Variants in ACTN3 observed in about 807,000 individuals in gnomAD.
ACTN3 encodes the protein actinin alpha 3, also known as alpha-actinin-3.
Under a neutral mutation model 119.6 loss-of-function variants are expected in ACTN3, and 91 were observed. The ratio of observed to expected loss-of-function variants is 0.76; its 90% CI spans 0.64 to 0.91. ACTN3 has a LOEUF of 0.91. Among genes scored for constraint, ACTN3 ranks in the 40% least tolerant of loss-of-function variants. The pLI is 0.00. For synonymous variants in ACTN3, 456 were observed against 478.8 expected (o/e 0.95, Z 0.62); for missense variants, 1,221 against 1,215.1 (o/e 1.00, Z -0.07).
At position 66,555,160 on chromosome 11, in the gene ACTN3, C is replaced by T; in HGVS notation, c.588C>T (p.Leu196=). ...AGGATGGCCTGGCCCTCTGTGCCCT[C>T]ATCCACCGACACCGCCCTGACCTCA... ...SWKDGLALCA[L]IHRHRPDLID... Residue 196 remains leucine (L), a synonymous_variant, in exon 6 of 21, where the codon CTC becomes CTT. Transcript: ENST00000513398. 3.1e-6 allele frequency: 5 copies of T among 1,614,090 alleles called. No individual in the cohort carries two copies. The South Asian group carries it at 5.5e-5, about 18-fold the overall frequency.
chr11:66,557,768 A>G lies in ACTN3; in HGVS notation c.967A>G (p.Met323Val). The stretch of plus-strand genomic sequence containing the variant: ...TGTGGGTGAGCCCAGCATGAGTGCC[A>G]TGCAGCGCAAACTAGAGGACTTTCG... Reference protein sequence around the residue: ...NRVGEPSMSAMQRKLEDFRDY... With the variant: ...NRVGEPSMSAVQRKLEDFRDY... The change falls in exon 10 of 21, where the codon ATG (methionine) becomes GTG (valine). Residue 323 changes from methionine to valine, a missense_variant. Physicochemically the swap from Met to Val is conservative, Grantham distance 21. This residue lies in a region of ACTN3 where 934 missense variants were observed against 899.9 expected (regional missense o/e 1.04). Coordinates refer to ENST00000513398, the MANE Select transcript of ACTN3 (RefSeq NM_001104.4). The G allele has an allele frequency of 6.2e-7, 1 of 1,613,830 alleles. No individual in the cohort carries two copies. Among genetic ancestry groups the G allele is most frequent in the South Asian group, 1.1e-5 (1 of 91,006 alleles).
In ACTN3 at chr11:66,554,552, A is replaced by C; in HGVS notation, c.486A>C (p.Glu162Asp). The C allele has an allele frequency of 6.2e-7, 1 of 1,611,102 alleles. No individual in the cohort carries two copies. The highest frequency in any genetic ancestry group is 8.5e-7 in the Non-Finnish European group (1 of 1,178,400). The change falls in exon 5 of 21, where the codon GAA becomes GAC. Residue 162 changes from glutamate (E) to aspartate (D), a missense_variant. By Grantham distance (45) the Glu-to-Asp change is conservative. Coordinates refer to ENST00000513398, the MANE Select transcript of ACTN3 (RefSeq NM_001104.4). ...DISVEETSAKEGLLLWCQRKT... is the reference protein window; with the variant it reads ...DISVEETSAKDGLLLWCQRKT... ...CCGACCCAGAAACCTCAGCCAAGGA[A>C]GGCTTGCTTCTGTGGTGCCAGAGGA... is the stretch of plus-strand genomic sequence containing the variant.
rs746327069 is a variant in ACTN3 at position 66,562,840 on chromosome 11, C to T, written c.2433C>T (p.Asn811=). 12 of 1,613,588 alleles carry T rather than the reference C, an allele frequency of 7.4e-6. No individual in the cohort carries two copies. Among genetic ancestry groups the T allele is most frequent in the South Asian group, 2.2e-5 (2 of 91,064 alleles). ...GCATCATGACCATGGTGGACCCCAACGCAGCTGGGGTGGTGACCTTCCAGG... is the reference window on the plus strand; with the variant it reads ...GCATCATGACCATGGTGGACCCCAATGCAGCTGGGGTGGTGACCTTCCAGG... ...FARIMTMVDP[N]AAGVVTFQAF... is the part of the protein sequence containing the mutation. Residue 811 remains asparagine (N), a synonymous_variant, in exon 20 of 21, where the codon AAC becomes AAT. Transcript: ENST00000513398.
chr11:66,554,808 G>A (rs1375283993), intron 5 of ACTN3, among the ~76,000 whole-genome samples, 185 bp downstream of exon 5: 1 of 152,150 alleles, frequency 6.6e-6, no homozygotes, highest in Non-Finnish European at 1.5e-5. Context: ...GAATGGAATT[G>A]AATCCAGGAG....
chr11:66,554,181 TA>T (rs746161289), intron 4 of ACTN3, 50 bp downstream of exon 4: 21 of 1,544,728 alleles, frequency 1.4e-5, no homozygotes, highest in Non-Finnish European at 1.9e-5. Flanking sequence ...CTGGGGCCTG[TA>T]ATCCCCACAG....
At chr11:66,561,720 G>A in intron 17 of ACTN3, 83 bp downstream of exon 17, 7 of 1,470,424 alleles carry the variant, frequency 4.8e-6, no homozygotes, top group Middle Eastern at 1.8e-4. Flanking sequence ...CAGAGCATGT[G>A]TGTCCCAGCA....
At position 66,546,945 on chromosome 11, in the gene ACTN3, T is replaced by A; in HGVS notation, c.8T>A (p.Met3Lys). 1 of 1,537,602 alleles carries A rather than the reference T, an allele frequency of 6.5e-7. No individual in the cohort carries two copies. The highest frequency in any genetic ancestry group is 8.7e-7 in the Non-Finnish European group (1 of 1,147,412). Residue 3 changes from methionine to lysine, a missense_variant, in exon 1 of 21, where the codon ATG becomes AAG. Met to Lys is a moderately conservative substitution (Grantham distance 95, BLOSUM62 -1). Around this residue, in one of 3 missense-constraint regions of ACTN3, gnomAD observed 239 missense variants for 231.8 expected, o/e 1.03. Coordinates refer to ENST00000513398, the MANE Select transcript of ACTN3 (RefSeq NM_001104.4). Reference protein sequence around the residue: MMMVMQPEGLGAG... With the variant: MMKVMQPEGLGAG... ...GCCAGGAGCCCGATCGAGATGATGA[T>A]GGTTATGCAGCCCGAGGGTCTGGGG...
At chr11:66,561,768 C>T in intron 17 of ACTN3, 131 bp downstream of exon 17, 1 of 1,206,864 alleles carries the variant, frequency 8.3e-7, no homozygotes, top group Non-Finnish European at 1.1e-6. Flanking sequence ...CCTTAAGACC[C>T]AGCGATGGAA....
chr11:66,559,471 C>G, intron 12 of ACTN3, 85 bp downstream of exon 12: 2 of 1,290,022 alleles, frequency 1.6e-6, no homozygotes, highest in Non-Finnish European at 2.0e-6. Context: ...CATTGCCCTT[C>G]TCAAGACACT....
rs201576110 is a variant in ACTN3, at chr11:66,563,170, C to T, written c.2683C>T (p.Leu895Phe). Residue 895 changes from leucine to phenylalanine, a missense_variant, in exon 21 of 21, where the codon CTC (leucine) becomes TTC (phenylalanine). Transcript: ENST00000513398. ...ALDYVAFSSA[L>F]YGESDL is the part of the protein sequence containing the mutation. ...GGACTACGTGGCCTTCTCCAGTGCC[C>T]TCTATGGGGAGAGCGACCTTTGACC... 3.3e-4 allele frequency: 536 copies of T among 1,608,182 alleles called. 1 individual carries two copies. Among genetic ancestry groups the T allele is most frequent in the Non-Finnish European group, 4.0e-4 (468 of 1,177,120 alleles).
Position 66,547,101 on chromosome 11 carries a change from T to G in ACTN3, c.147+17T>G. ...CAGCGGAAAGTGAGTGCTCGCCCAT[T>G]TCCTGACAGCAAAACCGAGGCCTGA... On this transcript the variant is annotated intron_variant, in intron 1 of 20. Transcript: ENST00000513398. 1 of 1,491,886 alleles carries G rather than the reference T, an allele frequency of 6.7e-7. No homozygotes were observed. The highest frequency in any genetic ancestry group is 8.9e-7 in the Non-Finnish European group (1 of 1,123,628). The allele number at this position is 1,491,886 out of a possible 1,614,324, so 92.4% of individuals were successfully genotyped here. A position where few individuals can be genotyped will look rare whatever the true frequency, so the allele number is the denominator to read the frequency against.
chr11:66,554,472 AG>A (rs374097478), intron 4 of ACTN3, 63 bp from the exon 5 acceptor site: 18 of 1,233,502 alleles, frequency 1.5e-5, no homozygotes, highest in Middle Eastern at 2.0e-4. Context: ...AAAAAAAAAA[AG>A]AAGTGTGAGA....
chr11:66,546,991 G>T lies in ACTN3; in HGVS notation c.54G>T (p.Ala18=). Residue 18 remains alanine (A), a synonymous_variant, in exon 1 of 21, where the codon GCG becomes GCT. Coordinates refer to ENST00000513398, the MANE Select transcript of ACTN3 (RefSeq NM_001104.4). Reference sequence around the variant, plus strand: ...TGGGGGCCGGGGAGGGGCGCTTTGCGGGCGGCGGCGGGGGCGGCGAGTACA... The same window carrying T: ...TGGGGGCCGGGGAGGGGCGCTTTGCTGGCGGCGGCGGGGGCGGCGAGTACA... The part of the protein sequence containing the change: ...EGLGAGEGRF[A]GGGGGGEYME... The T allele has an allele frequency of 6.6e-7, 1 of 1,520,518 alleles. No individual in the cohort carries two copies. Among genetic ancestry groups the T allele is most frequent in the Non-Finnish European group, 8.8e-7 (1 of 1,138,282 alleles). The allele number at this position is 1,520,518 out of a possible 1,614,324, so 94.2% of individuals were successfully genotyped here. A position where few individuals can be genotyped will look rare whatever the true frequency, so the allele number is the denominator to read the frequency against.
In ACTN3 at chr11:66,562,828, G is replaced by A. The variant is rs1857815286; in HGVS notation, c.2421G>A (p.Met807Ile). Residue 807 changes from methionine (M) to isoleucine (I), a missense_variant, in exon 20 of 21, where the codon ATG becomes ATA. Physicochemically the swap from Met to Ile is conservative, Grantham distance 10. Transcript: ENST00000513398. ...TGGAGTTTGCTCGCATCATGACCAT[G>A]GTGGACCCCAACGCAGCTGGGGTGG... ...GEVEFARIMT[M>I]VDPNAAGVVT... 6.2e-7 allele frequency: 1 copy of A among 1,613,354 alleles called. No individual in the cohort carries two copies. Among genetic ancestry groups the A allele is most frequent in the Non-Finnish European group, 8.5e-7 (1 of 1,179,538 alleles).
chr11:66,558,150 T>C lies in ACTN3; in HGVS notation c.1252T>C (p.Ser418Pro). The change falls in exon 11 of 21, where the codon TCC becomes CCC. Residue 418 changes from serine to proline, a missense_variant. By Grantham distance (74) the Ser-to-Pro change is moderately conservative. Transcript: ENST00000513398. ...HLAEKFRQKA[S>P]LHEAWTRGKE... ...GGCTGAGAAGTTCCGGCAGAAGGCCTCCCTGCACGAAGCCTGGACCCGGGG... is the reference window on the plus strand; with the variant it reads ...GGCTGAGAAGTTCCGGCAGAAGGCCCCCCTGCACGAAGCCTGGACCCGGGG... The C allele has an allele frequency of 6.2e-7, 1 of 1,613,650 alleles. No homozygotes were observed. The highest frequency in any genetic ancestry group is 8.5e-7 in the Non-Finnish European group (1 of 1,179,882).
At position 66,554,202 on chromosome 11, in the gene ACTN3, T is replaced by C. The variant is rs868226075; in HGVS notation, c.469+71T>C. ...CCTGTAATCCCCACAGTTTGGGAGG[T>C]CGAGGCGGGCAGACCACTTGAAGGA... On this transcript the variant is annotated intron_variant, in intron 4 of 20. Transcript: ENST00000513398. The C allele has an allele frequency of 1.3e-5, 18 of 1,384,820 alleles. No homozygotes were observed. The Middle Eastern group carries it at 1.4e-3, about 110-fold the overall frequency. The allele number at this position is 1,384,820 out of a possible 1,614,324, so 85.8% of individuals were successfully genotyped here.
At position 66,562,956 on chromosome 11, in the gene ACTN3, T is replaced by G; in HGVS notation, c.2547+2T>G. 2.5e-6 allele frequency: 4 copies of G among 1,612,536 alleles called. No individual in the cohort carries two copies. The highest frequency in any genetic ancestry group is 2.5e-6 in the Non-Finnish European group (3 of 1,179,150). On this transcript the variant is annotated splice_donor_variant, in intron 20 of 20. Transcript: ENST00000513398. LOFTEE classifies it high-confidence loss of function. ...TTCAAGATCTTGGCAGGAGACAAGG[T>G]GAGTCCCAGGCGGTGGAGGGGCTGG...
intron 8 of ACTN3, 65 bp downstream of exon 8, chr11:66,556,295 C>T (rs1857588623): frequency 6.6e-7 from 1 of 1,526,338 alleles, no homozygotes; most frequent in Admixed American, 1.8e-5. Context: ...GGCTGTAGTC[C>T]AACATTGGAG....
intron 1 of ACTN3, among the ~76,000 whole-genome samples, chr11:66,549,191 T>A (rs1374059578): frequency 2.6e-5 from 4 of 152,174 alleles, no homozygotes; most frequent in Admixed American, 6.5e-5. Flanking sequence ...AGCAAGTGTT[T>A]CTCACAGCCA....
Sources: allele counts gnomAD v4.1 joint callset (sites outside exome capture counted in the v4.1 genomes callset), GRCh38; gene constraint gnomAD v4.1.1; regional missense constraint gnomAD v4.1.1; transcripts MANE v1.5; gene names NCBI Gene and HGNC (gene_info 2026-07-23, HGNC 2026-07-21).